COL27A1: variants seen among roughly 807,000 people sequenced by gnomAD.
The protein encoded by COL27A1 is collagen type XXVII alpha 1 chain.
In COL27A1, 106 loss-of-function variants were observed where a neutral mutation model predicts 251.3. The observed-to-expected ratio is 0.42, with a 90% CI of 0.36 to 0.50. The LOEUF (loss-of-function observed/expected upper bound fraction) is 0.50. Ranked by LOEUF, COL27A1 falls within the 20% of genes least tolerant of loss-of-function variation. The probability of loss-of-function intolerance (pLI) is 0.00; values close to 1 mark genes in which losing one functional copy is unlikely to be tolerated. For synonymous variants in COL27A1, 1,000 were observed against 986.3 expected (o/e 1.01, Z -0.26); for missense variants, 2,325 against 2,522.8 (o/e 0.92, Z 1.68).
intron 59 of COL27A1, 97 bp from the exon 60 acceptor site, chr9:114,309,163 G>A (rs573075674): frequency 2.1e-6 from 2 of 957,068 alleles, no homozygotes; most frequent in Admixed American, 1.7e-5. Flanking sequence ...GCCAGGAAGG[G>A]GCCTATCCCT....
chr9:114,163,403 TAAA>T (rs778377725), intron 2 of COL27A1, among the ~76,000 whole-genome samples: 1 of 140,710 alleles, frequency 7.1e-6, no homozygotes. Context: ...TAAGAACTGC[TAAA>T]AAAAAAAAAA....
At position 114,206,228 on chromosome 9, in the gene COL27A1, G is replaced by T. The variant is rs753034904; in HGVS notation, c.2224-24G>T. 4 of 1,613,696 alleles carry T rather than the reference G, an allele frequency of 2.5e-6. No individual in the cohort carries two copies. The East Asian group carries it at 8.9e-5, about 36-fold the overall frequency. On this transcript the variant is annotated intron_variant, in intron 9 of 60. Coordinates refer to ENST00000356083, the MANE Select transcript of COL27A1 (RefSeq NM_032888.4). ...AGGTAGAGCGTCTCCATATGTCCTTGCCCCTCTGTGTTTTGTGTTTCAGGG... is the reference window on the plus strand; with the variant it reads ...AGGTAGAGCGTCTCCATATGTCCTTTCCCCTCTGTGTTTTGTGTTTCAGGG...
intron 59 of COL27A1, 111 bp from the exon 60 acceptor site, chr9:114,309,149 G>C (rs554100818): frequency 3.5e-6 from 3 of 862,976 alleles, no homozygotes; most frequent in East Asian, 4.8e-5. Context: ...ATCAGGAAAT[G>C]CTTGCCAGGA....
At chr9:114,155,362 G>A (rs774374470), upstream of COL27A1, among the ~76,000 whole-genome samples, 73 of 152,242 alleles carry the variant, frequency 4.8e-4, no homozygotes, top group Non-Finnish European at 9.3e-4. This position sits in a 1 kb window ranked among gnomAD's most constrained non-coding sequence, Gnocchi z 5.5. Context: ...ATACAAGGAG[G>A]AGGGGGGCGG....
Position 114,240,488 on chromosome 9 carries a change from G to T in COL27A1, c.2835+1G>T. 1 of 1,609,426 alleles carries T rather than the reference G, an allele frequency of 6.2e-7. No individual in the cohort carries two copies. On this transcript the variant is annotated splice_donor_variant, in intron 21 of 60. Transcript: ENST00000356083. LOFTEE classifies it high-confidence loss of function. ...ACCCCGTGGGCAGCTGGGGCCCGAG[G>T]TGAGACTGTCTGGCCCCCTCCACTG...
intron 44 of COL27A1, 91 bp from the exon 45 acceptor site, chr9:114,289,147 CCCCT>C: frequency 8.2e-5 from 60 of 735,250 alleles, no homozygotes; most frequent in Non-Finnish European, 1.2e-4. Flanking sequence ...CACCCCCAAA[CCCCT>C]CCCCACCCCT....
intron 14 of COL27A1, among the ~76,000 whole-genome samples, chr9:114,225,475 G>A (rs181145698): frequency 6.6e-6 from 1 of 152,230 alleles, no homozygotes; most frequent in East Asian, 1.9e-4. Context: ...GGGATCACAG[G>A]GCTGGGCCTG....
At chr9:114,241,823 A>C (rs1194937055) in intron 21 of COL27A1, among the ~76,000 whole-genome samples, 1 of 152,218 alleles carries the variant, frequency 6.6e-6, no homozygotes, top group African/African-American at 2.4e-5. Flanking sequence ...TGGGAAACTG[A>C]GACACAGTGA....
chr9:114,169,075 T>C lies in COL27A1; in HGVS notation c.1520T>C (p.Met507Thr), dbSNP rs1394942594. 3 of 1,613,928 alleles carry C rather than the reference T, an allele frequency of 1.9e-6. No homozygotes were observed. The highest frequency in any genetic ancestry group is 2.7e-5 in the African/African-American group (2 of 74,912). ...AGGAGTACTCGGCCACCAGCCACGA[T>C]GGTACCTCCAACTTCGGGCACCAGC... Reference protein sequence around the residue: ...STRSTRPPATMVPPTSGTSTP... With the variant: ...STRSTRPPATTVPPTSGTSTP... The change falls in exon 3 of 61, where the codon ATG (methionine) becomes ACG (threonine). Residue 507 changes from methionine (M) to threonine (T), a missense_variant. Met to Thr is a moderately conservative substitution (Grantham distance 81, BLOSUM62 -1). Coordinates refer to ENST00000356083, the MANE Select transcript of COL27A1 (RefSeq NM_032888.4).
intron 57 of COL27A1, 154 bp from the exon 58 acceptor site, chr9:114,306,366 G>C: frequency 2.9e-6 from 2 of 683,878 alleles, no homozygotes; most frequent in Non-Finnish European, 4.8e-6. Flanking sequence ...CCGTTTTCTT[G>C]TCTGCAAAAT....
Position 114,155,583 on chromosome 9 carries a change from C to T in COL27A1, c.-368C>T, listed in dbSNP as rs894924392. On this transcript the variant is annotated 5_prime_UTR_variant, in exon 1 of 61. Transcript: ENST00000356083. The surrounding 1 kb of genome is among the most constrained non-coding windows in gnomAD (Gnocchi z 5.5). ...GCCGGCGGGGAGGCAGCTTCCACCG[C>T]CCTCCGCGCGCCCTCACCCGGCCTT... 1 of 152,276 alleles carries T rather than the reference C, an allele frequency of 6.6e-6. No homozygotes were observed. The highest frequency in any genetic ancestry group is 1.5e-5 in the Non-Finnish European group (1 of 68,114). The allele number at this position is 152,276 out of a possible 1,614,324, so 9.4% of individuals were successfully genotyped here.
Position 114,310,733 on chromosome 9 carries a change from G to A in COL27A1, c.*38G>A, listed in dbSNP as rs754973276. On this transcript the variant is annotated 3_prime_UTR_variant, in exon 61 of 61. Coordinates refer to ENST00000356083, the MANE Select transcript of COL27A1 (RefSeq NM_032888.4). ...TGGCCACTCTAGGCCTCACGGAGGA[G>A]GGAAGAGGAAGAGGCAAGGGGAGGG... The A allele has an allele frequency of 6.2e-7, 1 of 1,610,766 alleles. No homozygotes were observed. Among genetic ancestry groups the A allele is most frequent in the Non-Finnish European group, 8.5e-7 (1 of 1,177,688 alleles).
At chr9:114,264,289 C>A in intron 28 of COL27A1, 66 bp from the exon 29 acceptor site, 1 of 1,336,828 alleles carries the variant, frequency 7.5e-7, no homozygotes, top group Non-Finnish European at 1.0e-6. Flanking sequence ...CAGCCCCGCC[C>A]TCCTGGTTCT....
Position 114,250,555 on chromosome 9 carries a change from G to T in COL27A1, c.2980-60G>T, listed in dbSNP as rs373591152. The stretch of plus-strand genomic sequence containing the variant: ...GGAGATGAGCTTCAGGGGAAGGAGC[G>T]GGAGGGCTGGGTCCCCGGATTCACG... On this transcript the variant is annotated intron_variant, in intron 24 of 60. Transcript: ENST00000356083. 11 of 1,496,976 alleles carry T rather than the reference G, an allele frequency of 7.3e-6. No homozygotes were observed. In the South Asian group the frequency reaches 7.9e-5, roughly 11 times the overall value. The allele number at this position is 1,496,976 out of a possible 1,614,324, so 92.7% of individuals were successfully genotyped here.
intron 34 of COL27A1, 50 bp downstream of exon 34, chr9:114,267,607 A>G (rs1251400033): frequency 6.6e-7 from 1 of 1,526,320 alleles, no homozygotes; most frequent in Non-Finnish European, 9.0e-7. Flanking sequence ...ACCAGCTCCC[A>G]GATGGTGGCC....
intron 14 of COL27A1, among the ~76,000 whole-genome samples, chr9:114,230,237 C>T (rs928582340): frequency 2.6e-5 from 4 of 152,120 alleles, no homozygotes; most frequent in Non-Finnish European, 4.4e-5. Flanking sequence ...GGAAGGGCCA[C>T]GGGGCCTGTG....
At chr9:114,162,661 G>A (rs368018407) in intron 1 of COL27A1, 54 bp from the exon 2 acceptor site, 75 of 1,324,012 alleles carry the variant, frequency 5.7e-5, no homozygotes, top group African/African-American at 7.3e-5. Flanking sequence ...AGCCGGATCC[G>A]GGTGTGAGGG....
intron 12 of COL27A1, among the ~76,000 whole-genome samples, chr9:114,215,234 A>G (rs2135359391): frequency 6.6e-6 from 1 of 152,370 alleles, no homozygotes; most frequent in East Asian, 1.9e-4. Context: ...CTTCTAACAC[A>G]GTGCATTTGG....
intron 28 of COL27A1, among the ~76,000 whole-genome samples, chr9:114,262,332 G>A (rs931233426): frequency 6.6e-6 from 1 of 152,242 alleles, no homozygotes; most frequent in Non-Finnish European, 1.5e-5. Context: ...GCTACGGCTA[G>A]CACCTGAGCC....
Sources: allele counts gnomAD v4.1 joint callset (sites outside exome capture counted in the v4.1 genomes callset), GRCh38; gene constraint gnomAD v4.1.1; non-coding constraint Gnocchi (gnomAD v3.1); transcripts MANE v1.5; gene names NCBI Gene and HGNC (gene_info 2026-07-23, HGNC 2026-07-21).